Variants in KLHL3 observed in about 807,000 individuals in gnomAD.
The protein encoded by KLHL3 is kelch like family member 3, also known as kelch-like protein 3.
In KLHL3, 19 loss-of-function variants were observed where a neutral mutation model predicts 70.5. That is an observed-to-expected ratio of 0.27 (90% confidence interval 0.19 to 0.40). The LOEUF is 0.40. Ranked by LOEUF, KLHL3 falls within the 10% of genes least tolerant of loss-of-function variation. KLHL3 has a pLI of 1.00. For missense variants in KLHL3, 512 were observed against 771.1 expected, an observed-to-expected ratio of 0.66 and a Z score of 3.98; for synonymous variants, 258 against 290.3, an observed-to-expected ratio of 0.89 and a Z score of 1.13.
intron 1 of KLHL3, among the ~76,000 whole-genome samples, chr5:137,726,811 C>T (rs774479796): frequency 1.3e-5 from 2 of 152,154 alleles, no homozygotes; most frequent in African/African-American, 2.4e-5. Flanking sequence ...TCTTTACAAG[C>T]GTTAGATGGT....
At chr5:137,702,780 A>G (rs1014667256) in intron 3 of KLHL3, among the ~76,000 whole-genome samples, 2 of 152,196 alleles carry the variant, frequency 1.3e-5, no homozygotes, top group African/African-American at 4.8e-5. Flanking sequence ...ACTTCTTTAA[A>G]TACGTAGACC....
intron 1 of KLHL3, among the ~76,000 whole-genome samples, chr5:137,724,625 T>G (rs1753056979): frequency 1.3e-5 from 2 of 152,088 alleles, no homozygotes; most frequent in African/African-American, 4.8e-5. Context: ...CCCAAATCCA[T>G]CCAGAGCCCT....
intron 7 of KLHL3, among the ~76,000 whole-genome samples, chr5:137,660,559 T>C (rs1216616838): frequency 6.6e-6 from 1 of 152,158 alleles, no homozygotes; most frequent in Non-Finnish European, 1.5e-5. Flanking sequence ...ATGCCCCATT[T>C]AAGAGCTTGC....
chr5:137,645,453 C>T (rs1016443298), intron 8 of KLHL3, among the ~76,000 whole-genome samples: 3 of 151,844 alleles, frequency 2.0e-5, no homozygotes, highest in African/African-American at 7.3e-5. Context: ...AATGAATTGG[C>T]AAAGTGGCAG....
At chr5:137,712,156 CAAAAA>C (rs201519598) in intron 2 of KLHL3, among the ~76,000 whole-genome samples, 2 of 74,860 alleles carry the variant, frequency 2.7e-5, no homozygotes, top group African/African-American at 1.1e-4. Flanking sequence ...AAGATTCTGT[CAAAAA>C]AAAAAAAAAA....
intron 14 of KLHL3, among the ~76,000 whole-genome samples, chr5:137,622,551 G>T (rs924091557): frequency 6.6e-6 from 1 of 152,240 alleles, no homozygotes; most frequent in African/African-American, 2.4e-5. Context: ...AAGTACAGCA[G>T]GCTGCCTTCA....
intron 5 of KLHL3, among the ~76,000 whole-genome samples, chr5:137,681,873 C>T (rs992722767): frequency 3.3e-5 from 5 of 152,100 alleles, no homozygotes; most frequent in African/African-American, 1.2e-4. Flanking sequence ...ATTGGTAAAA[C>T]ACAATGAGTA....
At chr5:137,674,469 C>T (rs1422719569) in intron 6 of KLHL3, among the ~76,000 whole-genome samples, 1 of 152,178 alleles carries the variant, frequency 6.6e-6, no homozygotes, top group East Asian at 1.9e-4. Flanking sequence ...CTGCCTGTTA[C>T]TTACACTCAT....
intron 8 of KLHL3, among the ~76,000 whole-genome samples, chr5:137,648,794 T>C (rs1751125577): frequency 6.6e-6 from 1 of 152,206 alleles, no homozygotes; most frequent in African/African-American, 2.4e-5. Context: ...CAGGTCTCTC[T>C]CCACCATGTT....
At chr5:137,670,188 C>T (rs139083627) in intron 6 of KLHL3, among the ~76,000 whole-genome samples, 5 of 152,222 alleles carry the variant, frequency 3.3e-5, no homozygotes, top group Admixed American at 6.5e-5. Context: ...ACTGACATCA[C>T]CCAGGTGGTA....
At position 137,618,000 on chromosome 5, in the gene KLHL3, G is replaced by A. The variant is rs555314807; in HGVS notation, c.*4098C>T. 6.6e-6 allele frequency: 1 copy of A among 152,660 alleles called. No homozygotes were observed. The highest frequency in any genetic ancestry group is 1.9e-4 in the East Asian group (1 of 5,172). The allele number at this position is 152,660 out of a possible 1,614,324, so 9.5% of individuals were successfully genotyped here. A position where few individuals can be genotyped will look rare whatever the true frequency, so the allele number is the denominator to read the frequency against. ...GCCATGGCTGATGCTATATCCATGA[G>A]TCACTGAGTCCCATGACGAAGGCTG... On this transcript the variant is annotated 3_prime_UTR_variant, in exon 15 of 15. Coordinates refer to ENST00000309755, the MANE Select transcript of KLHL3 (RefSeq NM_017415.3).
At chr5:137,656,245 T>C (rs911073517) in intron 8 of KLHL3, among the ~76,000 whole-genome samples, 1 of 151,622 alleles carries the variant, frequency 6.6e-6, no homozygotes, top group Non-Finnish European at 1.5e-5. Context: ...AGCCCATCAG[T>C]AGAGGACTGT....
chr5:137,705,968 A>C, intron 3 of KLHL3: 16 of 979,124 alleles, frequency 1.6e-5, no homozygotes, highest in Non-Finnish European at 1.9e-5. Flanking sequence ...AAAGCAGTAA[A>C]GGGCAAATAG....
intron 8 of KLHL3, among the ~76,000 whole-genome samples, chr5:137,645,017 A>C (rs1751008688): frequency 6.6e-6 from 1 of 152,244 alleles, no homozygotes; most frequent in African/African-American, 2.4e-5. Context: ...TATAACACAA[A>C]TCAATAAAAA....
At chr5:137,675,698 G>A (rs932238623) in intron 6 of KLHL3, among the ~76,000 whole-genome samples, 23 of 151,996 alleles carry the variant, frequency 1.5e-4, no homozygotes, top group African/African-American at 4.6e-4. Flanking sequence ...CCTACTCCCC[G>A]CCAGACACAG....
At chr5:137,720,168 C>T (rs1174340414) in intron 2 of KLHL3, among the ~76,000 whole-genome samples, 1 of 152,052 alleles carries the variant, frequency 6.6e-6, no homozygotes, top group African/African-American at 2.4e-5. Flanking sequence ...GGCGTGGTGG[C>T]ATGCGCCTGT....
At chr5:137,684,208 A>G (rs754903077) in intron 5 of KLHL3, among the ~76,000 whole-genome samples, 8 of 152,246 alleles carry the variant, frequency 5.3e-5, no homozygotes, top group Non-Finnish European at 1.0e-4. Context: ...TGAGAAAATA[A>G]TAACTCTTAT....
intron 5 of KLHL3, among the ~76,000 whole-genome samples, chr5:137,680,595 T>A (rs1580755659): frequency 6.7e-6 from 1 of 150,282 alleles, no homozygotes; most frequent in Admixed American, 6.7e-5. Context: ...CAGGGTGGAG[T>A]GCAATGGCGC....
At chr5:137,704,341 C>T (rs1852012) in intron 3 of KLHL3, among the ~76,000 whole-genome samples, 56 of 151,908 alleles carry the variant, frequency 3.7e-4, no homozygotes, top group African/African-American at 1.2e-3. Context: ...GCCGAGATTG[C>T]GCCACTGCAG....
Sources: gnomAD v4.1 joint callset for allele counts (sites outside exome capture counted in the v4.1 genomes callset) on GRCh38, gnomAD v4.1.1 for gene constraint, MANE v1.5 for transcripts, NCBI Gene and HGNC (gene_info 2026-07-23, HGNC 2026-07-21) for gene names.